Variants in AFG1L observed in about 807,000 individuals in gnomAD.
AFG1L encodes the protein AFG1 like ATPase, also known as AFG1-like ATPase.
In AFG1L, 53 loss-of-function variants were observed where a neutral mutation model predicts 62.2. The observed-to-expected ratio is 0.85, with a 90% confidence interval of 0.68 to 1.07. AFG1L has a LOEUF of 1.07. Among genes scored for constraint, AFG1L ranks in the 50% least tolerant of loss-of-function variants. The pLI, the probability that AFG1L is intolerant of heterozygous loss-of-function variation, is 0.00. For synonymous variants in AFG1L, 228 were observed against 210.3 expected (o/e 1.08, Z -0.73); for missense variants, 555 against 590.5 (o/e 0.94, Z 0.62).
chr6:108,511,192 AAGG>A (rs1202450063), intron 11 of AFG1L, among the ~76,000 whole-genome samples: 3 of 150,684 alleles, frequency 2.0e-5, no homozygotes, highest in African/African-American at 7.4e-5. Context: ...AGAGAAGGAG[AAGG>A]AGGAGAAGGA....
intron 5 of AFG1L, 86 bp from the exon 6 acceptor site, chr6:108,366,147 C>A: frequency 1.4e-6 from 1 of 712,074 alleles, no homozygotes; most frequent in Non-Finnish European, 2.4e-6. Flanking sequence ...GAATTTACTT[C>A]CATCTTAAAA....
chr6:108,306,811 A>G (rs1352839690), intron 1 of AFG1L, among the ~76,000 whole-genome samples: 2 of 152,270 alleles, frequency 1.3e-5, no homozygotes, highest in Non-Finnish European at 1.5e-5. Flanking sequence ...TGTGGCCCCC[A>G]TATCACAATA....
At chr6:108,375,808 C>CTAGGG (rs1347890502) in intron 6 of AFG1L, among the ~76,000 whole-genome samples, 1 of 151,948 alleles carries the variant, frequency 6.6e-6, no homozygotes, top group Non-Finnish European at 1.5e-5. Flanking sequence ...GGTTTTGGTA[C>CTAGGG]TAGGGTGATA....
intron 6 of AFG1L, among the ~76,000 whole-genome samples, chr6:108,374,176 T>C (rs970927589): frequency 6.6e-6 from 1 of 152,196 alleles, no homozygotes; most frequent in East Asian, 1.9e-4. Context: ...CATGTTTTAA[T>C]GGAGTTATTT....
chr6:108,448,423 C>T (rs1771900073), intron 8 of AFG1L, among the ~76,000 whole-genome samples: 1 of 151,814 alleles, frequency 6.6e-6, no homozygotes, highest in South Asian at 2.1e-4. Context: ...ATGTATGGTA[C>T]CAATGCATTA....
chr6:108,479,791 G>A (rs759724396), intron 10 of AFG1L, among the ~76,000 whole-genome samples: 7 of 152,118 alleles, frequency 4.6e-5, no homozygotes, highest in Non-Finnish European at 8.8e-5. Flanking sequence ...CATCTATCTG[G>A]TGTGCCTGGG....
intron 1 of AFG1L, among the ~76,000 whole-genome samples, chr6:108,300,950 G>T (rs1464865548): frequency 6.6e-6 from 1 of 152,168 alleles, no homozygotes; most frequent in East Asian, 1.9e-4. Context: ...GGAATTATAG[G>T]CGTGAGCCAC....
intron 7 of AFG1L, among the ~76,000 whole-genome samples, chr6:108,443,348 G>A (rs566109288): frequency 1.3e-5 from 2 of 152,192 alleles, no homozygotes; most frequent in Admixed American, 6.5e-5. Flanking sequence ...TCAGAGTTCC[G>A]GAGCAAGCAT....
At chr6:108,439,703 A>T (rs894925584) in intron 7 of AFG1L, among the ~76,000 whole-genome samples, 2 of 152,216 alleles carry the variant, frequency 1.3e-5, no homozygotes, top group Non-Finnish European at 2.9e-5. Context: ...GTATTAAGTT[A>T]TACTTAAATT....
chr6:108,379,778 C>T (rs1780417638), intron 6 of AFG1L, among the ~76,000 whole-genome samples: 1 of 152,208 alleles, frequency 6.6e-6, no homozygotes, highest in Non-Finnish European at 1.5e-5. Flanking sequence ...GCCTGGCGCA[C>T]TGCCTGGACA....
intron 7 of AFG1L, among the ~76,000 whole-genome samples, chr6:108,433,878 C>T (rs946144352): frequency 2.6e-5 from 4 of 152,196 alleles, no homozygotes; most frequent in African/African-American, 9.7e-5. Flanking sequence ...CAGGCGTGAG[C>T]CACTGTGCCC....
intron 6 of AFG1L, among the ~76,000 whole-genome samples, chr6:108,372,107 G>GTATA (rs968973465): frequency 1.3e-4 from 19 of 149,594 alleles, no homozygotes; most frequent in Admixed American, 2.0e-4. Flanking sequence ...TATTATGTAT[G>GTATA]TATATATATA....
chr6:108,296,573 AAGT>A (rs1167971928), intron 1 of AFG1L, among the ~76,000 whole-genome samples: 2 of 152,152 alleles, frequency 1.3e-5, no homozygotes, highest in African/African-American at 4.8e-5. Context: ...AAAAAAATAG[AAGT>A]AGTAACATGC....
In AFG1L at chr6:108,295,157, C is replaced by G. The variant is rs150464459; in HGVS notation, c.78C>G (p.Cys26Trp). ...QSPLRGRCVG[C>W]GAWAAALAPL... is the part of the protein sequence containing the mutation. ...CGCTGAGAGGGAGATGTGTTGGGTG[C>G]GGGGCCTGGGCCGCCGCTCTCGCTC... The change falls in exon 1 of 13, where the codon TGC (cysteine) becomes TGG (tryptophan). Residue 26 changes from cysteine to tryptophan, a missense_variant. Cys to Trp is a radical substitution (Grantham distance 215). Coordinates refer to ENST00000368977, the MANE Select transcript of AFG1L (RefSeq NM_145315.5). 1.9e-5 allele frequency: 30 copies of G among 1,609,558 alleles called. No individual in the cohort carries two copies. In the African/African-American group the frequency reaches 3.5e-4, roughly 19 times the overall value.
intron 1 of AFG1L, among the ~76,000 whole-genome samples, chr6:108,299,404 C>T (rs561200295): frequency 2.0e-5 from 3 of 151,832 alleles, no homozygotes; most frequent in Non-Finnish European, 4.4e-5. Flanking sequence ...AATAAAAAAG[C>T]AATTGAGGTT....
chr6:108,475,022 G>T (rs1773053383), intron 8 of AFG1L, among the ~76,000 whole-genome samples: 1 of 152,130 alleles, frequency 6.6e-6, no homozygotes, highest in Non-Finnish European at 1.5e-5. Context: ...ATGGTTTTGG[G>T]TTTTACATTT....
At chr6:108,482,180 A>G (rs192123944) in intron 10 of AFG1L, among the ~76,000 whole-genome samples, 8 of 152,252 alleles carry the variant, frequency 5.3e-5, no homozygotes, top group Admixed American at 4.6e-4. Flanking sequence ...CAATGAACCA[A>G]TACTTTCCAA....
rs1220609211 is a variant in AFG1L, at chr6:108,476,852, C to A, written c.891-13C>A. ...GTTATTAATTTCATATTCTATTATT[C>A]TTTTCACTGTAGCACAAGTGAAGCT... On this transcript the variant is annotated splice_polypyrimidine_tract_variant and intron_variant, in intron 8 of 12. Transcript: ENST00000368977. 3 of 1,603,444 alleles carry A rather than the reference C, an allele frequency of 1.9e-6. No individual in the cohort carries two copies. The highest frequency in any genetic ancestry group is 2.7e-5 in the African/African-American group (2 of 74,754).
chr6:108,378,612 C>T lies in AFG1L; in HGVS notation c.748+12280C>T, dbSNP rs543923944. 4.5e-4 allele frequency among the ~76,000 whole-genome samples: 69 copies of T among 152,274 alleles called. No homozygotes were observed. The Middle Eastern group carries it at 0.024, about 53-fold the overall frequency. On this transcript the variant is annotated intron_variant, in intron 6 of 12. Transcript: ENST00000368977. The stretch of plus-strand genomic sequence containing the variant: ...GGGATTACAGGCATAAGCCACCACA[C>T]CCGGCCTATGCTTTGAGTTCCTTAT...
Sources: allele counts gnomAD v4.1 joint callset (sites outside exome capture counted in the v4.1 genomes callset), GRCh38; gene constraint gnomAD v4.1.1; transcripts MANE v1.5; gene names NCBI Gene and HGNC (gene_info 2026-07-23, HGNC 2026-07-21).